Variants in TEX9 observed in about 807,000 individuals in gnomAD.
The protein encoded by TEX9 is testis-expressed protein 9.
TEX9 carries 74 observed loss-of-function variants against 59.6 expected under a neutral mutation model. The ratio of observed to expected loss-of-function variants is 1.24; its 90% confidence interval spans 1.03 to 1.51. The LOEUF (loss-of-function observed/expected upper bound fraction) is 1.51, where lower values mean the gene tolerates loss of function less well. TEX9 is among the 40% of genes most tolerant of loss of function. TEX9 has a pLI of 0.00. For missense variants in TEX9, 522 were observed against 447.8 expected (o/e 1.17, Z -1.49); for synonymous variants, 186 against 152.2 (o/e 1.22, Z -1.64).
intron 1 of TEX9, among the ~76,000 whole-genome samples, chr15:56,244,482 C>T (rs527487027): frequency 1.3e-5 from 2 of 152,238 alleles, no homozygotes; most frequent in East Asian, 3.9e-4. Context: ...TGCAAGAACT[C>T]CCGGCTCCAA....
chr15:56,359,836 G>A (rs761555023), intron 1 of TEX9, among the ~76,000 whole-genome samples: 1 of 152,062 alleles, frequency 6.6e-6, no homozygotes, highest in Non-Finnish European at 1.5e-5. Flanking sequence ...CCTGATCTTA[G>A]GGAGAAAGCA....
chr15:56,371,653 A>G (rs1447244165), intron 2 of TEX9, among the ~76,000 whole-genome samples: 2 of 152,124 alleles, frequency 1.3e-5, no homozygotes, highest in African/African-American at 2.4e-5. Flanking sequence ...AGTCCTATAT[A>G]TTCTAGATGA....
chr15:56,398,767 GAATTTTTTTTTCCCTTTGTATGGGGAT>G (rs1261574181), intron 9 of TEX9, among the ~76,000 whole-genome samples: 1 of 152,112 alleles, frequency 6.6e-6, no homozygotes, highest in Non-Finnish European at 1.5e-5. Context: ...TGTAGGGGGA[GAATTTTTTTTTCCCTTTGTATGGGGAT>G]AATTTTTTGA....
At chr15:56,410,082 G>A (rs1243302667) in intron 9 of TEX9, 6 of 152,094 alleles carry the variant, frequency 3.9e-5, no homozygotes, top group African/African-American at 1.4e-4. Context: ...TAATAAATGT[G>A]TTGAATAAAT....
chr15:56,417,291 C>T lies in TEX9; in HGVS notation c.963+4855C>T, dbSNP rs188952339. ...TTGAATTCTTTCAGTTGTGAAGTTA[C>T]GTTGTTAATTTGAGATCTTTATAAC... On this transcript the variant is annotated intron_variant, in intron 10 of 12. Coordinates refer to ENST00000352903, the Ensembl canonical transcript of TEX9. Among the ~76,000 whole-genome samples the T allele has an allele frequency of 1.1e-4, 17 of 150,274 alleles. No homozygotes were observed. The East Asian group carries it at 2.7e-3, about 24-fold the overall frequency.
intron 1 of TEX9, among the ~76,000 whole-genome samples, chr15:56,337,414 C>T (rs1173089392): frequency 6.6e-6 from 1 of 152,112 alleles, no homozygotes; most frequent in African/African-American, 2.4e-5. Context: ...ATAAGTAATT[C>T]AAAGTATAAG....
chr15:56,356,827 A>T (rs2046693483), intron 1 of TEX9, among the ~76,000 whole-genome samples: 1 of 152,078 alleles, frequency 6.6e-6, no homozygotes, highest in East Asian at 1.9e-4. Context: ...ATATTTGCTC[A>T]TCCTGGTTGT....
At chr15:56,397,138 A>G (rs1266093111) in intron 9 of TEX9, 1 of 165,548 alleles carries the variant, frequency 6.0e-6, no homozygotes, top group Non-Finnish European at 1.3e-5. Flanking sequence ...TGATATGGAC[A>G]ATGAAATCCA....
At chr15:56,315,506 C>T (rs1381832116) in intron 1 of TEX9, among the ~76,000 whole-genome samples, 3 of 150,566 alleles carry the variant, frequency 2.0e-5, no homozygotes, top group Admixed American at 6.7e-5. Flanking sequence ...TGTAGGGTTT[C>T]TGCCGAGAGA....
At chr15:56,442,746 A>G (rs1284635835) in intron 12 of TEX9, among the ~76,000 whole-genome samples, 10 of 152,166 alleles carry the variant, frequency 6.6e-5, no homozygotes, top group African/African-American at 2.2e-4. Context: ...GAGGGTAGAC[A>G]TAGGAGGAGG....
exon 11 of TEX9, chr15:56,427,680 G>C: frequency 6.5e-7 from 1 of 1,535,846 alleles, no homozygotes; most frequent in South Asian, 1.3e-5. Context: ...ACAAAAAGGA[G>C]AATTAATGAT....
At chr15:56,351,568 G>A (rs1041419638) in intron 1 of TEX9, among the ~76,000 whole-genome samples, 1 of 152,174 alleles carries the variant, frequency 6.6e-6, no homozygotes, top group Non-Finnish European at 1.5e-5. Context: ...TTCTTTGAAT[G>A]GAGAGAATGG....
chr15:56,338,374 A>C (rs1001813124), intron 1 of TEX9, among the ~76,000 whole-genome samples: 2 of 152,204 alleles, frequency 1.3e-5, no homozygotes, highest in Non-Finnish European at 2.9e-5. Context: ...TTCTTTCAAA[A>C]GTCTGCTCCA....
At chr15:56,348,391 C>T (rs1214506350) in intron 1 of TEX9, among the ~76,000 whole-genome samples, 1 of 152,046 alleles carries the variant, frequency 6.6e-6, no homozygotes, top group African/African-American at 2.4e-5. Flanking sequence ...GATTTCATCT[C>T]AGCCTGAAGA....
In TEX9 at chr15:56,321,602, A is replaced by G. The variant is rs116279888; in HGVS notation, c.-106-51839A>G. Among the ~76,000 whole-genome samples, 1,334 of 152,296 alleles carry G rather than the reference A, an allele frequency of 8.8e-3. 24 individuals are homozygous for G. The highest frequency in any genetic ancestry group is 0.03 in the African/African-American group (1,252 of 41,560). On this transcript the variant is annotated intron_variant, in intron 1 of 5. Transcript: ENST00000560827. ...GGAATTAGCAGGAACCTGACAAACT[A>G]GGAGAGGAGGAATCTGAGCCAAGCC...
the TEX9 span, among the ~76,000 whole-genome samples, chr15:56,458,071 T>C: frequency 5.3e-5 from 8 of 152,324 alleles, no homozygotes; most frequent in African/African-American, 1.9e-4. Context: ...AAAACTTGGA[T>C]GAATCTCCAT....
At chr15:56,365,525 A>C (rs374942446) in intron 1 of TEX9, 48 bp downstream of exon 1, 1 of 1,614,202 alleles carries the variant, frequency 6.2e-7, no homozygotes, top group South Asian at 1.1e-5. Context: ...TCCGGCGACT[A>C]GGACGCCTAA....
intron 1 of TEX9, among the ~76,000 whole-genome samples, chr15:56,280,073 G>A (rs2044778301): frequency 6.6e-6 from 1 of 152,184 alleles, no homozygotes; most frequent in Non-Finnish European, 1.5e-5. Flanking sequence ...CCCAAACATA[G>A]GATAATGTAA....
intron 1 of TEX9, among the ~76,000 whole-genome samples, chr15:56,356,017 C>T (rs539397053): frequency 1.3e-5 from 2 of 152,068 alleles, no homozygotes; most frequent in East Asian, 1.9e-4. Context: ...TTGCTAAACT[C>T]GCCAACTACT....
Sources: gnomAD v4.1 joint callset for allele counts (sites outside exome capture counted in the v4.1 genomes callset) on GRCh38, gnomAD v4.1.1 for gene constraint, MANE v1.5 for transcripts, NCBI Gene and HGNC (gene_info 2026-07-23, HGNC 2026-07-21) for gene names.